RGSL1: variants seen among roughly 807,000 people sequenced by gnomAD.
RGSL1 encodes regulator of G protein signaling like 1.
A neutral mutation model predicts 124.7 loss-of-function variants in RGSL1; 97 were observed. The ratio of observed to expected loss-of-function variants is 0.78; its 90% CI spans 0.66 to 0.92. The LOEUF (loss-of-function observed/expected upper bound fraction) is 0.92. RGSL1 is among the 40% of genes least tolerant of loss of function. RGSL1 has a pLI of 0.00. For missense variants in RGSL1, 1,233 were observed against 1,288.4 expected, an observed-to-expected ratio of 0.96 and a Z score of 0.66; for synonymous variants, 424 against 438.1, an observed-to-expected ratio of 0.97 and a Z score of 0.40.
chr1:182,525,328 TTAGAC>T (rs1261504211), intron 10 of RGSL1, among the ~76,000 whole-genome samples: 2 of 152,060 alleles, frequency 1.3e-5, no homozygotes, highest in African/African-American at 2.4e-5. Flanking sequence ...GATTCAGATG[TTAGAC>T]TAAAGACTTC....
intron 10 of RGSL1, among the ~76,000 whole-genome samples, chr1:182,526,751 T>C (rs536913552): frequency 2.0e-5 from 3 of 152,280 alleles, no homozygotes; most frequent in African/African-American, 4.8e-5. Context: ...ATTATCTCAA[T>C]TGATGTAGAA....
intron 14 of RGSL1, among the ~76,000 whole-genome samples, chr1:182,539,234 G>T (rs1198924575): frequency 6.6e-6 from 1 of 152,098 alleles, no homozygotes; most frequent in African/African-American, 2.4e-5. Context: ...TCTTTTCCCA[G>T]AATCCCTAAC....
intron 4 of RGSL1, among the ~76,000 whole-genome samples, chr1:182,466,186 T>C (rs982629408): frequency 6.6e-6 from 1 of 151,996 alleles, no homozygotes; most frequent in African/African-American, 2.4e-5. Context: ...AAAAGCTACA[T>C]ATGAAAAACC....
At position 182,554,665 on chromosome 1, in the gene RGSL1, T is replaced by A; in HGVS notation, c.3169T>A (p.Ser1057Thr). The change falls in exon 20 of 22, where the codon TCT becomes ACT. Residue 1057 changes from serine (S) to threonine (T), a missense_variant. Coordinates refer to ENST00000294854, the MANE Select transcript of RGSL1 (RefSeq NM_001137669.2). ...ACTTACTCAGCCAAGACTCGTGGTA[T>A]CTGCCATGCAGCTGCATCCCGTCCA... is the stretch of plus-strand genomic sequence containing the variant. ...SKLTQPRLVVSAMQLHPVQGQ... is the reference protein window; with the variant it reads ...SKLTQPRLVVTAMQLHPVQGQ... 6.4e-7 allele frequency: 1 copy of A among 1,551,746 alleles called. No individual in the cohort carries two copies. The highest frequency in any genetic ancestry group is 8.7e-7 in the Non-Finnish European group (1 of 1,147,004).
intron 6 of RGSL1, among the ~76,000 whole-genome samples, chr1:182,482,332 G>C (rs1273780300): frequency 6.6e-6 from 1 of 152,008 alleles, no homozygotes; most frequent in East Asian, 1.9e-4. Context: ...ACAAGCTAAG[G>C]ATCCTCATTC....
intron 9 of RGSL1, among the ~76,000 whole-genome samples, chr1:182,503,541 G>T (rs1656563402): frequency 1.4e-5 from 2 of 142,130 alleles, no homozygotes; most frequent in South Asian, 4.8e-4. Context: ...TGAACCCATG[G>T]AGAAAGAGAG....
rs1659813130 is a variant in RGSL1 at position 182,540,325 on chromosome 1, G to C, written c.2573G>C (p.Gly858Ala). 6 of 1,551,474 alleles carry C rather than the reference G, an allele frequency of 3.9e-6. No individual in the cohort carries two copies. Among genetic ancestry groups the C allele is most frequent in the South Asian group, 1.2e-5 (1 of 84,026 alleles). Residue 858 changes from glycine (G) to alanine (A), a missense_variant, in exon 15 of 22, where the codon GGA becomes GCA. By Grantham distance (60) the Gly-to-Ala change is moderately conservative (BLOSUM62 0). Transcript: ENST00000294854. ...GTCCGGAGTGCAGACCAAGAGAATG[G>C]AGAAATAACCCTTGTAAAGCGTCGT... is the stretch of plus-strand genomic sequence containing the variant. ...TNVRSADQEN[G>A]EITLVKRRIF...
chr1:182,539,093 A>C (rs918098002), intron 14 of RGSL1, among the ~76,000 whole-genome samples: 3 of 152,194 alleles, frequency 2.0e-5, no homozygotes, highest in Non-Finnish European at 4.4e-5. Flanking sequence ...TCAGTAGCCA[A>C]AAATCTATTA....
chr1:182,513,774 TAATA>T (rs1042161592), intron 9 of RGSL1, among the ~76,000 whole-genome samples: 21 of 152,194 alleles, frequency 1.4e-4, no homozygotes, highest in African/African-American at 5.1e-4. Flanking sequence ...GCTGCCTGAA[TAATA>T]AATTTATACT....
At chr1:182,479,167 C>A (rs1654512921) in intron 6 of RGSL1, among the ~76,000 whole-genome samples, 1 of 152,028 alleles carries the variant, frequency 6.6e-6, no homozygotes, top group South Asian at 2.1e-4. Flanking sequence ...AATCTCACTG[C>A]TAAAGGTAAA....
intron 9 of RGSL1, among the ~76,000 whole-genome samples, chr1:182,515,656 C>G (rs1657826334): frequency 6.6e-6 from 1 of 152,150 alleles, no homozygotes; most frequent in Admixed American, 6.5e-5. Flanking sequence ...AGTGAGGATC[C>G]TTCAGCCATT....
chr1:182,470,556 C>T (rs1208860971), intron 4 of RGSL1, among the ~76,000 whole-genome samples: 3 of 152,160 alleles, frequency 2.0e-5, no homozygotes, highest in East Asian at 3.9e-4. Context: ...ATCTTGTCTC[C>T]TCATTGAACC....
In RGSL1 at chr1:182,547,353, G is replaced by A. The variant is rs190995409; in HGVS notation, c.2670-964G>A. 1.2e-4 allele frequency among the ~76,000 whole-genome samples: 17 copies of A among 144,522 alleles called. No homozygotes were observed. In the East Asian group the frequency reaches 2.8e-3, roughly 24 times the overall value. The allele number at this position is 144,522 out of a possible 152,430, so 94.8% of individuals were successfully genotyped here. A position where few individuals can be genotyped will look rare whatever the true frequency, so the allele number is the denominator to read the frequency against. On this transcript the variant is annotated intron_variant, in intron 15 of 21. Coordinates refer to ENST00000294854, the MANE Select transcript of RGSL1 (RefSeq NM_001137669.2). Reference sequence around the variant, plus strand: ...TAATCTAAGCTAAATTTTGAAGGAAGAGTAGAGGTTAGTCAGATAATAAAG... The same window carrying A: ...TAATCTAAGCTAAATTTTGAAGGAAAAGTAGAGGTTAGTCAGATAATAAAG...
rs916665835 is a variant in RGSL1 at position 182,518,992 on chromosome 1, T to C, written c.1826-3012T>C. Among the ~76,000 whole-genome samples the C allele has an allele frequency of 2.5e-4, 38 of 150,866 alleles. 1 individual carries two copies. Among genetic ancestry groups the C allele is most frequent in the South Asian group, 2.1e-4 (1 of 4,752 alleles). On this transcript the variant is annotated intron_variant, in intron 9 of 21. Transcript: ENST00000294854. ...TATATTTCTTTTTCTTTCCTTTTAG[T>C]TTTCTTTTAGATTAAAATGGGGGGG...
chr1:182,522,158 GA>G, intron 10 of RGSL1, 49 bp downstream of exon 10: 1 of 1,299,386 alleles, frequency 7.7e-7, no homozygotes, highest in South Asian at 1.3e-5. Context: ...ACATGCTTTT[GA>G]AAAACCTCAA....
At chr1:182,544,294 A>G (rs1660073436) in intron 15 of RGSL1, among the ~76,000 whole-genome samples, 1 of 151,968 alleles carries the variant, frequency 6.6e-6, no homozygotes, top group Non-Finnish European at 1.5e-5. Flanking sequence ...ATTTCCATAT[A>G]CTGTAGGAAA....
chr1:182,452,493 C>T (rs573036478), intron 1 of RGSL1, among the ~76,000 whole-genome samples: 1 of 151,428 alleles, frequency 6.6e-6, no homozygotes, highest in African/African-American at 2.4e-5. Flanking sequence ...CACTCTGTCA[C>T]TCAGGCTGGA....
chr1:182,496,008 A>C (rs1655884459), intron 9 of RGSL1, among the ~76,000 whole-genome samples: 1 of 152,162 alleles, frequency 6.6e-6, no homozygotes, highest in Non-Finnish European at 1.5e-5. Flanking sequence ...GAAATACCTG[A>C]GGTTGGGTAA....
intron 15 of RGSL1, among the ~76,000 whole-genome samples, chr1:182,542,182 C>T (rs1409777381): frequency 2.0e-5 from 3 of 152,086 alleles, no homozygotes; most frequent in Non-Finnish European, 4.4e-5. Flanking sequence ...ATGTTTTCTT[C>T]CAGTAGCTTC....
Sources: allele counts gnomAD v4.1 joint callset (sites outside exome capture counted in the v4.1 genomes callset), GRCh38; gene constraint gnomAD v4.1.1; transcripts MANE v1.5; gene names NCBI Gene and HGNC (gene_info 2026-07-23, HGNC 2026-07-21).